The following LRBA variants were observed in gnomAD, a reference collection of about 807,000 sequenced individuals.
LRBA encodes the protein LPS responsive beige-like anchor protein.
Under a neutral mutation model 330.0 loss-of-function variants are expected in LRBA, and 176 were observed. That is an observed-to-expected ratio of 0.53 (90% CI 0.47 to 0.60). The LOEUF (loss-of-function observed/expected upper bound fraction) is 0.60, where lower values mean the gene tolerates loss of function less well. Among genes scored for constraint, LRBA ranks in the 20% least tolerant of loss-of-function variants. LRBA has a pLI of 0.00. For synonymous variants in LRBA, 1,230 were observed against 1,193.0 expected (o/e 1.03, Z -0.64); for missense variants, 3,259 against 3,444.8 (o/e 0.95, Z 1.35).
intron 2 of LRBA, among the ~76,000 whole-genome samples, chr4:150,951,968 T>A (rs147379269): frequency 6.6e-6 from 1 of 152,148 alleles, no homozygotes; most frequent in Non-Finnish European, 1.5e-5. Flanking sequence ...ATATGGAAAA[T>A]GAAATTAAAG....
chr4:150,379,947 G>A (rs1409693251), intron 47 of LRBA, among the ~76,000 whole-genome samples: 5 of 149,048 alleles, frequency 3.4e-5, no homozygotes, highest in African/African-American at 9.9e-5. Flanking sequence ...AGGATCACCT[G>A]AGGTCAGGAG....
At chr4:151,010,888 A>T (rs906998706) in intron 2 of LRBA, among the ~76,000 whole-genome samples, 2 of 104,620 alleles carry the variant, frequency 1.9e-5, no homozygotes, top group African/African-American at 4.2e-5. Flanking sequence ...CCTCTCAATT[A>T]AAAAAAAAAA....
At chr4:150,825,140 C>T (rs1258243863) in intron 30 of LRBA, among the ~76,000 whole-genome samples, 1 of 151,824 alleles carries the variant, frequency 6.6e-6, no homozygotes, top group Non-Finnish European at 1.5e-5. Flanking sequence ...CTTACAAACA[C>T]AAACACTTAG....
chr4:150,589,279 C>T (rs1234676418), intron 39 of LRBA, among the ~76,000 whole-genome samples: 3 of 152,058 alleles, frequency 2.0e-5, no homozygotes, highest in Non-Finnish European at 4.4e-5. Context: ...ACATTTCCAT[C>T]GATTGTTAGA....
intron 17 of LRBA, among the ~76,000 whole-genome samples, chr4:150,880,877 G>A (rs1202648987): frequency 2.0e-5 from 3 of 152,014 alleles, no homozygotes; most frequent in South Asian, 2.1e-4. Context: ...AATGGGAAAC[G>A]CCACAAACAG....
Position 150,590,704 on chromosome 4 carries a change from C to G in LRBA, c.6193+9G>C. The G allele has an allele frequency of 6.2e-7, 1 of 1,612,356 alleles. No individual in the cohort carries two copies. The highest frequency in any genetic ancestry group is 1.3e-5 in the African/African-American group (1 of 74,944). On this transcript the variant is annotated intron_variant, in intron 39 of 56. Coordinates refer to ENST00000651943, the MANE Select transcript of LRBA (RefSeq NM_001364905.1). Reference sequence around the variant, plus strand: ...GTAGCTGAAATATCTGCACAACCACCAAATTTACCGGCAAGATTCTCTAAA... The same window carrying G: ...GTAGCTGAAATATCTGCACAACCACGAAATTTACCGGCAAGATTCTCTAAA...
intron 40 of LRBA, among the ~76,000 whole-genome samples, chr4:150,535,532 TA>T (rs1764563368): frequency 6.6e-6 from 1 of 152,208 alleles, no homozygotes; most frequent in South Asian, 2.1e-4. Context: ...TATCACCATT[TA>T]AATAAATGCA....
intron 42 of LRBA, among the ~76,000 whole-genome samples, chr4:150,476,374 G>A (rs897701731): frequency 6.6e-6 from 1 of 152,102 alleles, no homozygotes; most frequent in Non-Finnish European, 1.5e-5. Context: ...AGTAACCAAA[G>A]CACTAATAGC....
At chr4:150,301,893 A>G (rs937406966) in intron 53 of LRBA, among the ~76,000 whole-genome samples, 4 of 152,222 alleles carry the variant, frequency 2.6e-5, no homozygotes, top group Non-Finnish European at 4.4e-5. Flanking sequence ...CAGTGTTGTC[A>G]TAATCATTTT....
At chr4:150,940,882 ATGACTTTT>A (rs1735599068) in intron 2 of LRBA, among the ~76,000 whole-genome samples, 1 of 151,252 alleles carries the variant, frequency 6.6e-6, no homozygotes, top group African/African-American at 2.4e-5. Context: ...TCTTTCTTTC[ATGACTTTT>A]TGACATGAAA....
chr4:150,941,362 A>G (rs1032862253), intron 2 of LRBA, among the ~76,000 whole-genome samples: 3 of 151,774 alleles, frequency 2.0e-5, no homozygotes, highest in African/African-American at 7.3e-5. Context: ...CATTTTGGCC[A>G]GGCTGGTCTC....
At chr4:150,945,806 T>C (rs1334511357) in intron 2 of LRBA, among the ~76,000 whole-genome samples, 1 of 141,772 alleles carries the variant, frequency 7.1e-6, no homozygotes, top group Admixed American at 7.0e-5. Context: ...GGCATATTTC[T>C]TTTTTTTTTT....
In LRBA at chr4:150,321,276, G is replaced by A; in HGVS notation, c.7545C>T (p.Asn2515=). Residue 2515 remains asparagine, a synonymous_variant, in exon 50 of 57, where the codon AAC becomes AAT. Coordinates refer to ENST00000651943, the MANE Select transcript of LRBA (RefSeq NM_001364905.1). This position sits in a 1 kb window ranked among gnomAD's most constrained non-coding sequence, Gnocchi z 4.5. ...CGGGAGTTGCCAAACCAGGCTGGGT[G>A]TTGGCTGCCACGTGAGTAACAGGGG... The part of the protein sequence containing the change: ...SNSPVTHVAA[N]TQPGLATPAV... The A allele has an allele frequency of 1.2e-6, 2 of 1,612,656 alleles. No individual in the cohort carries two copies. Among genetic ancestry groups the A allele is most frequent in the South Asian group, 1.1e-5 (1 of 90,774 alleles).
chr4:150,476,853 G>T (rs558761050), intron 42 of LRBA, among the ~76,000 whole-genome samples: 1 of 152,166 alleles, frequency 6.6e-6, no homozygotes, highest in African/African-American at 2.4e-5. Context: ...CTGGGTGTCA[G>T]AAAGAATATT....
intron 26 of LRBA, 52 bp from the exon 27 acceptor site, chr4:150,844,831 T>G (rs1301892402): frequency 1.0e-5 from 15 of 1,473,474 alleles, no homozygotes; most frequent in African/African-American, 1.4e-5. Context: ...ATATTTAAGA[T>G]TATGGAAGTG....
At chr4:150,818,622 A>G (rs1248065041) in intron 30 of LRBA, among the ~76,000 whole-genome samples, 1 of 151,762 alleles carries the variant, frequency 6.6e-6, no homozygotes, top group Non-Finnish European at 1.5e-5. Context: ...AACAACGCAA[A>G]ATGTAATTTT....
At chr4:150,406,394 CAG>C (rs1293598664) in intron 47 of LRBA, among the ~76,000 whole-genome samples, 2 of 152,022 alleles carry the variant, frequency 1.3e-5, no homozygotes, top group African/African-American at 4.8e-5. Flanking sequence ...CTTCAAATGG[CAG>C]AGATTGTCAG....
At chr4:150,274,607 G>A (rs1337260061) in intron 56 of LRBA, among the ~76,000 whole-genome samples, 4 of 152,124 alleles carry the variant, frequency 2.6e-5, no homozygotes, top group African/African-American at 9.7e-5. Context: ...AAATGATAAA[G>A]GGGTTATCAC....
chr4:150,552,610 C>A (rs1766747107), intron 40 of LRBA, among the ~76,000 whole-genome samples: 1 of 152,072 alleles, frequency 6.6e-6, no homozygotes, highest in Non-Finnish European at 1.5e-5. Flanking sequence ...GGATCTAGAA[C>A]TAGAAATACC....
Sources: gnomAD v4.1 joint callset for allele counts (sites outside exome capture counted in the v4.1 genomes callset) on GRCh38, gnomAD v4.1.1 for gene constraint, Gnocchi (gnomAD v3.1) non-coding constraint, MANE v1.5 for transcripts, NCBI Gene and HGNC (gene_info 2026-07-23, HGNC 2026-07-21) for gene names.